The following SORCS3 variants were observed in gnomAD, a reference collection of about 807,000 sequenced individuals.
The protein encoded by SORCS3 is sortilin related VPS10 domain containing receptor 3, also known as VPS10 domain-containing receptor SorCS3.
A neutral mutation model predicts 146.3 loss-of-function variants in SORCS3; 57 were observed. The ratio of observed to expected loss-of-function variants is 0.39; its 90% CI spans 0.31 to 0.49. SORCS3 has a LOEUF of 0.49. Ranked by LOEUF, SORCS3 falls within the 20% of genes least tolerant of loss-of-function variation. SORCS3 has a pLI of 0.92. For synonymous variants in SORCS3, 653 were observed against 618.5 expected, an observed-to-expected ratio of 1.06 and a Z score of -0.83; for missense variants, 1,341 against 1,575.5, an observed-to-expected ratio of 0.85 and a Z score of 2.52.
At chr10:105,005,015 G>A (rs1006196970) in intron 4 of SORCS3, among the ~76,000 whole-genome samples, 10 of 152,154 alleles carry the variant, frequency 6.6e-5, no homozygotes, top group South Asian at 4.1e-4. Flanking sequence ...CTTTGTAATC[G>A]TGATATAGTT....
intron 8 of SORCS3, among the ~76,000 whole-genome samples, chr10:105,139,854 T>C (rs2056083518): frequency 6.6e-6 from 1 of 152,176 alleles, no homozygotes; most frequent in African/African-American, 2.4e-5. Context: ...GACAGACGCA[T>C]AAAAGTGCAC....
chr10:105,075,929 C>T (rs918333741), intron 5 of SORCS3, among the ~76,000 whole-genome samples: 5 of 152,190 alleles, frequency 3.3e-5, no homozygotes, highest in African/African-American at 9.6e-5. Context: ...GGTCTTTATA[C>T]CAGTCCAGTG....
At chr10:105,024,679 A>G (rs2133691197) in intron 4 of SORCS3, among the ~76,000 whole-genome samples, 1 of 152,328 alleles carries the variant, frequency 6.6e-6, no homozygotes, top group East Asian at 1.9e-4. Flanking sequence ...CCCTGCAAAT[A>G]GTCACTGGAT....
At position 104,980,484 on chromosome 10, in the gene SORCS3, G is replaced by A. The variant is rs547852580; in HGVS notation, c.954+2991G>A. Among the ~76,000 whole-genome samples, 4 of 152,306 alleles carry A rather than the reference G, an allele frequency of 2.6e-5. No individual in the cohort carries two copies. In the East Asian group the frequency reaches 7.7e-4, roughly 29 times the overall value. Reference sequence around the variant, plus strand: ...ATGCTGTGCAGCAGCAAATGAAAATGCAAGTGTAGTTGAGATTGATATACA... The same window carrying A: ...ATGCTGTGCAGCAGCAAATGAAAATACAAGTGTAGTTGAGATTGATATACA... On this transcript the variant is annotated intron_variant, in intron 4 of 26. Coordinates refer to ENST00000369701, the MANE Select transcript of SORCS3 (RefSeq NM_014978.3).
intron 22 of SORCS3, among the ~76,000 whole-genome samples, chr10:105,250,949 T>C (rs2056894479): frequency 6.6e-6 from 1 of 152,104 alleles, no homozygotes. Flanking sequence ...GCTGAGCAAA[T>C]GGAAAACAAC....
At chr10:105,018,225 G>A (rs2055179417) in intron 4 of SORCS3, among the ~76,000 whole-genome samples, 1 of 152,194 alleles carries the variant, frequency 6.6e-6, no homozygotes, top group African/African-American at 2.4e-5. Flanking sequence ...TCCCCTCAGA[G>A]GGGCAGGATG....
intron 4 of SORCS3, among the ~76,000 whole-genome samples, chr10:105,014,860 C>A (rs1185453444): frequency 6.6e-6 from 1 of 152,160 alleles, no homozygotes; most frequent in African/African-American, 2.4e-5. Context: ...CATCTATGAA[C>A]CATCAAATGG....
chr10:104,893,913 G>C (rs1292190489), intron 2 of SORCS3, among the ~76,000 whole-genome samples: 3 of 152,084 alleles, frequency 2.0e-5, no homozygotes, highest in Non-Finnish European at 2.9e-5. Flanking sequence ...TCCAGCACCT[G>C]TTCCATCCTC....
intron 1 of SORCS3, among the ~76,000 whole-genome samples, chr10:104,747,043 T>C (rs772521080): frequency 6.6e-6 from 1 of 152,196 alleles, no homozygotes; most frequent in Non-Finnish European, 1.5e-5. Flanking sequence ...TCCAAGTCTG[T>C]GTGAATTCAC....
At chr10:105,192,708 CTGTT>C (rs1357208961) in intron 14 of SORCS3, among the ~76,000 whole-genome samples, 1 of 152,170 alleles carries the variant, frequency 6.6e-6, no homozygotes, top group Non-Finnish European at 1.5e-5. Flanking sequence ...TCCCAAAGCA[CTGTT>C]TGTTCTTCCT....
At chr10:105,123,580 A>G (rs902111321) in intron 7 of SORCS3, among the ~76,000 whole-genome samples, 1 of 152,228 alleles carries the variant, frequency 6.6e-6, no homozygotes, top group Non-Finnish European at 1.5e-5. Context: ...ATTATGCTAT[A>G]TATAAGAAAT....
chr10:104,934,299 G>C (rs1048666920), intron 3 of SORCS3, among the ~76,000 whole-genome samples: 2 of 152,202 alleles, frequency 1.3e-5, no homozygotes, highest in Non-Finnish European at 2.9e-5. Flanking sequence ...AAAGGTTAAG[G>C]CTATGTATGA....
chr10:105,131,162 A>G (rs991955108), intron 7 of SORCS3, among the ~76,000 whole-genome samples: 4 of 152,174 alleles, frequency 2.6e-5, no homozygotes, highest in Admixed American at 1.3e-4. Flanking sequence ...GTAGAGAGAG[A>G]AAAGCCCCAA....
At chr10:105,084,083 G>GA (rs1187578271) in intron 5 of SORCS3, among the ~76,000 whole-genome samples, 1 of 152,048 alleles carries the variant, frequency 6.6e-6, no homozygotes, top group Non-Finnish European at 1.5e-5. Context: ...TTTAAGTAGA[G>GA]AAAAAATCAT....
At chr10:104,691,763 C>CA (rs1429348525) in intron 1 of SORCS3, among the ~76,000 whole-genome samples, 2 of 152,048 alleles carry the variant, frequency 1.3e-5, no homozygotes, top group African/African-American at 2.4e-5. Flanking sequence ...TTTTTTGAGG[C>CA]AGGGTCTTGC....
At chr10:104,939,017 T>C (rs2019286475) in intron 3 of SORCS3, among the ~76,000 whole-genome samples, 3 of 152,238 alleles carry the variant, frequency 2.0e-5, no homozygotes. Context: ...TGAACTTGGC[T>C]ACTGCATTCT....
At position 105,201,206 on chromosome 10, in the gene SORCS3, A is replaced by G. The variant is rs764856636; in HGVS notation, c.2214A>G (p.Gly738=). 2 of 1,611,642 alleles carry G rather than the reference A, an allele frequency of 1.2e-6. No homozygotes were observed. ...GTGCCCTGGGCCGAGACCACTCAGGATCAGTGGTCTCAGAACCCTGTGTCT... is the reference window on the plus strand; with the variant it reads ...GTGCCCTGGGCCGAGACCACTCAGGGTCAGTGGTCTCAGAACCCTGTGTCT... ...AQCALGRDHS[G]SVVSEPCVCA... Residue 738 remains glycine, a synonymous_variant, in exon 16 of 27, where the codon GGA becomes GGG. Coordinates refer to ENST00000369701, the MANE Select transcript of SORCS3 (RefSeq NM_014978.3).
chr10:104,725,781 C>T (rs111672285), intron 1 of SORCS3, among the ~76,000 whole-genome samples: 2,094 of 152,332 alleles, frequency 0.014, 39 homozygotes, highest in African/African-American at 0.042. Context: ...GAGCCATGCG[C>T]GGGATATAAT....
At chr10:104,839,265 T>C (rs993963028) in intron 1 of SORCS3, among the ~76,000 whole-genome samples, 3 of 152,170 alleles carry the variant, frequency 2.0e-5, no homozygotes, top group African/African-American at 7.2e-5. Context: ...ATAAATTGCA[T>C]GACTCAATTT....
Sources: gnomAD v4.1 joint callset for allele counts (sites outside exome capture counted in the v4.1 genomes callset) on GRCh38, gnomAD v4.1.1 for gene constraint, MANE v1.5 for transcripts, NCBI Gene and HGNC (gene_info 2026-07-23, HGNC 2026-07-21) for gene names.